Variants in COL6A5 observed in about 807,000 individuals in gnomAD.
COL6A5 encodes the protein collagen alpha-5(VI) chain.
In COL6A5, 48 loss-of-function variants were observed where a neutral mutation model predicts 65.6. That is an observed-to-expected ratio of 0.73 (90% CI 0.58 to 0.93). The LOEUF (loss-of-function observed/expected upper bound fraction) is 0.93, where lower values mean the gene tolerates loss of function less well. Ranked by LOEUF, COL6A5 falls within the 40% of genes least tolerant of loss-of-function variation. The probability of loss-of-function intolerance (pLI) is 0.00; values close to 1 mark genes in which losing one functional copy is unlikely to be tolerated. For missense variants in COL6A5, 914 were observed against 928.3 expected (o/e 0.98, Z 0.20); for synonymous variants, 291 against 322.8 (o/e 0.90, Z 1.05).
chr3:130,426,507 G>T, upstream of COL6A5: 1 of 1,155,830 alleles, frequency 8.7e-7, no homozygotes, highest in South Asian at 1.3e-5. Context: ...GTTCACTGGT[G>T]GGAAGCCTCT....
chr3:130,425,628 C>T (rs536001132), intron 29 of COL6A5, among the ~76,000 whole-genome samples: 41 of 152,272 alleles, frequency 2.7e-4, no homozygotes, highest in Admixed American at 1.8e-3. Flanking sequence ...ATTTGTTTTG[C>T]TTTGCTCCAT....
chr3:130,362,312 ATATATATATATATAT>A (rs1559858021), intron 1 of COL6A5, among the ~76,000 whole-genome samples: 2 of 13,854 alleles, frequency 1.4e-4, no homozygotes, highest in African/African-American at 5.5e-4. Context: ...ATATATATAT[ATATATATATATATAT>A]TTTTTTTTTT....
chr3:130,435,015 A>G (rs530081395), intron 1 of COL6A5, among the ~76,000 whole-genome samples: 84 of 152,324 alleles, frequency 5.5e-4, no homozygotes, highest in Non-Finnish European at 8.1e-4. Flanking sequence ...GTCTTTGCCC[A>G]TGCCTATGTC....
intron 12 of COL6A5, 46 bp downstream of exon 12, chr3:130,401,900 G>T: frequency 7.3e-7 from 1 of 1,363,278 alleles, no homozygotes; most frequent in South Asian, 1.3e-5. Flanking sequence ...GCCTTGATTT[G>T]GTACAGGTGG....
chr3:130,429,297 A>C (rs1481406839), upstream of COL6A5, among the ~76,000 whole-genome samples: 1 of 152,180 alleles, frequency 6.6e-6, no homozygotes, highest in Non-Finnish European at 1.5e-5. Flanking sequence ...TTTGCTTCTA[A>C]GACAAGTGAT....
rs139458211 is a variant in COL6A5, at chr3:130,418,131, CAT to C, written c.4888-733_4888-732del. ...CTTAACTGTGGCAATCATTATACAA[CAT>C]ATATGTATATCAAATCATGTTGTAC... On this transcript the variant is annotated intron_variant and NMD_transcript_variant, in intron 24 of 41. Coordinates refer to the COL6A5 transcript ENST00000312481. Among the ~76,000 whole-genome samples the C allele has an allele frequency of 7.5e-3, 1,142 of 152,206 alleles. 17 individuals are homozygous for C. Among genetic ancestry groups the C allele is most frequent in the African/African-American group, 0.025 (1,041 of 41,540 alleles).
At chr3:130,419,272 A>G (rs906778082) in intron 25 of COL6A5, among the ~76,000 whole-genome samples, 3 of 152,084 alleles carry the variant, frequency 2.0e-5, no homozygotes, top group Non-Finnish European at 4.4e-5. Context: ...GCAAAAGTCT[A>G]AGGTGACAAT....
At chr3:130,391,597 C>G (rs1387977554) in exon 7 of COL6A5, 1 of 1,551,566 alleles carries the variant, frequency 6.4e-7, no homozygotes, top group African/African-American at 1.4e-5. Flanking sequence ...GAAACAAAGG[C>G]ATCACCATCT....
Position 130,470,981 on chromosome 3 carries a change from T to C in COL6A5, c.2328+14T>C. On this transcript the variant is annotated intron_variant, in intron 7 of 7. Transcript: ENST00000512836. ...AAACACTGTATTGTGAGTTGAGAAA[T>C]TCCAAGTTTGGGTAATACCACAACT... 1 of 1,591,016 alleles carries C rather than the reference T, an allele frequency of 6.3e-7. No homozygotes were observed. The highest frequency in any genetic ancestry group is 1.3e-5 in the African/African-American group (1 of 74,464).
At chr3:130,396,718 A>G (rs542560887) in intron 8 of COL6A5, among the ~76,000 whole-genome samples, 1 of 152,284 alleles carries the variant, frequency 6.6e-6, no homozygotes, top group South Asian at 2.1e-4. Flanking sequence ...CAGACCCAGA[A>G]ATGGGTCATT....
intron 1 of COL6A5, among the ~76,000 whole-genome samples, chr3:130,353,528 A>G (rs2107614213): frequency 6.6e-6 from 1 of 152,304 alleles, no homozygotes; most frequent in South Asian, 2.1e-4. Flanking sequence ...ACTGTTACAA[A>G]ACTAAAACCT....
rs540378762 is a variant in COL6A5, at chr3:130,444,552, C to T, written c.1332+986C>T. On this transcript the variant is annotated intron_variant, in intron 4 of 7. Coordinates refer to ENST00000512836, the Ensembl canonical transcript of COL6A5. ...CCTCCGTTTGGGGTCCCTGACCTCC[C>T]GCAACATCTCTCCCTTTCTTTTTAT... 1.2e-4 allele frequency among the ~76,000 whole-genome samples: 19 copies of T among 152,242 alleles called. No individual in the cohort carries two copies. In the South Asian group the frequency reaches 1.7e-3, roughly 13 times the overall value.
chr3:130,480,399 A>T (rs1710206802), intron 7 of COL6A5, among the ~76,000 whole-genome samples: 1 of 152,054 alleles, frequency 6.6e-6, no homozygotes, highest in African/African-American at 2.4e-5. Context: ...AATTATGATT[A>T]GGCAAATGAA....
chr3:130,371,027 A>G (rs978631449), intron 1 of COL6A5, among the ~76,000 whole-genome samples: 1 of 152,060 alleles, frequency 6.6e-6, no homozygotes, highest in Non-Finnish European at 1.5e-5. Flanking sequence ...CATACACCCA[A>G]CCTAAAGAAG....
At chr3:130,449,106 A>G (rs1709369312) in intron 4 of COL6A5, among the ~76,000 whole-genome samples, 1 of 152,188 alleles carries the variant, frequency 6.6e-6, no homozygotes, top group Non-Finnish European at 1.5e-5. Flanking sequence ...TTCAGAAACC[A>G]ATTGAGTTAA....
In COL6A5 at chr3:130,484,575, T is replaced by G. The variant is rs1710327367; in HGVS notation, c.*534T>G. 4 of 398,886 alleles carry G rather than the reference T, an allele frequency of 1.0e-5. No individual in the cohort carries two copies. In the Admixed American group the frequency reaches 1.8e-4, roughly 18 times the overall value. 24.7% of individuals were successfully genotyped at this position (398,886 alleles called of 1,614,324 possible). ...CTAAAACCCACCTGTCAGGCTGCTA[T>G]GACCCATAGTTAATGCTTTCTCTTC... On this transcript the variant is annotated 3_prime_UTR_variant, in exon 8 of 8. Coordinates refer to ENST00000512836, the Ensembl canonical transcript of COL6A5.
chr3:130,395,440 A>C, exon 8 of COL6A5: 1 of 1,545,594 alleles, frequency 6.5e-7, no homozygotes. Context: ...TCATCCGTGA[A>C]ATCTGCCAGA....
At chr3:130,389,107 C>G in exon 6 of COL6A5, 1 of 1,443,324 alleles carries the variant, frequency 6.9e-7, no homozygotes, top group Non-Finnish European at 9.1e-7. Context: ...AGAAAGGAAA[C>G]TTATCTTTCG....
chr3:130,383,846 G>T (rs929324944), intron 4 of COL6A5, among the ~76,000 whole-genome samples: 1 of 151,990 alleles, frequency 6.6e-6, no homozygotes, highest in Non-Finnish European at 1.5e-5. Context: ...AAGGAACATT[G>T]AGAAGTCTTT....
Sources: gnomAD v4.1 joint callset for allele counts (sites outside exome capture counted in the v4.1 genomes callset) on GRCh38, gnomAD v4.1.1 for gene constraint, MANE v1.5 for transcripts, NCBI Gene and HGNC (gene_info 2026-07-23, HGNC 2026-07-21) for gene names.